SLC24A2: variants seen among roughly 807,000 people sequenced by gnomAD.
SLC24A2 encodes the protein sodium/potassium/calcium exchanger 2.
Under a neutral mutation model 62.0 loss-of-function variants are expected in SLC24A2, and 36 were observed. The observed-to-expected ratio is 0.58, with a 90% CI of 0.44 to 0.77. The LOEUF is 0.77. Ranked by LOEUF, SLC24A2 falls within the 30% of genes least tolerant of loss-of-function variation. The pLI is 0.00. For synonymous variants in SLC24A2, 358 were observed against 294.0 expected (o/e 1.22, Z -2.23); for missense variants, 846 against 817.9 (o/e 1.03, Z -0.42).
At chr9:19,811,348 A>G in the SLC24A2 span, among the ~76,000 whole-genome samples, 1 of 152,234 alleles carries the variant, frequency 6.6e-6, no homozygotes, top group Non-Finnish European at 1.5e-5. Context: ...GTTATAGCAC[A>G]CCAAACTAAA....
the SLC24A2 span, among the ~76,000 whole-genome samples, chr9:19,855,727 C>T: frequency 1.3e-5 from 2 of 152,116 alleles, no homozygotes; most frequent in Non-Finnish European, 2.9e-5. Flanking sequence ...AACACTTTTT[C>T]CTTCATTTCA....
At chr9:19,712,887 AC>A (rs1820754502) in intron 2 of SLC24A2, among the ~76,000 whole-genome samples, 1 of 152,032 alleles carries the variant, frequency 6.6e-6, no homozygotes, top group African/African-American at 2.4e-5. Context: ...TACCATACTT[AC>A]CCCAGTTGTG....
chr9:19,658,859 G>T (rs1008356929), intron 2 of SLC24A2, among the ~76,000 whole-genome samples: 3 of 152,152 alleles, frequency 2.0e-5, no homozygotes, highest in Non-Finnish European at 4.4e-5. Context: ...CTGTCCAGCA[G>T]CCCGTTTCTA....
chr9:20,278,444 A>G, the SLC24A2 span, among the ~76,000 whole-genome samples: 2 of 152,128 alleles, frequency 1.3e-5, no homozygotes, highest in Non-Finnish European at 2.9e-5. Context: ...TTCTTCTATC[A>G]GATACCCTAA....
the SLC24A2 span, among the ~76,000 whole-genome samples, chr9:20,185,648 G>C: frequency 3.2e-4 from 46 of 144,248 alleles, 1 homozygote; most frequent in African/African-American, 1.1e-3. Context: ...CTGGGAGACA[G>C]AGCGAGACTC....
At chr9:20,289,064 G>A in the SLC24A2 span, among the ~76,000 whole-genome samples, 19 of 152,240 alleles carry the variant, frequency 1.2e-4, no homozygotes, top group African/African-American at 4.6e-4. Context: ...AGTCACCCCA[G>A]CTGACATTAA....
At position 19,532,433 on chromosome 9, in the gene SLC24A2, C is replaced by G. The variant is rs948026032; in HGVS notation, c.1480-4295G>C. On this transcript the variant is annotated intron_variant, in intron 8 of 10. Coordinates refer to ENST00000341998, the MANE Select transcript of SLC24A2 (RefSeq NM_020344.4). ...AAATCAGCTCTAAATTATTTGAGGCCGAATAGAATGTAAATGCTATGTAAA... is the reference window on the plus strand; with the variant it reads ...AAATCAGCTCTAAATTATTTGAGGCGGAATAGAATGTAAATGCTATGTAAA... Among the ~76,000 whole-genome samples, 3 of 152,030 alleles carry G rather than the reference C, an allele frequency of 2.0e-5. No homozygotes were observed. The East Asian group carries it at 5.8e-4, about 29-fold the overall frequency.
chr9:19,532,086 ATTTATTTG>A (rs1376786086), intron 8 of SLC24A2, among the ~76,000 whole-genome samples: 11 of 151,854 alleles, frequency 7.2e-5, no homozygotes, highest in Admixed American at 5.9e-4. Flanking sequence ...TACTTTATTT[ATTTATTTG>A]TTTGTTTGAC....
chr9:20,281,343 A>G, the SLC24A2 span, among the ~76,000 whole-genome samples: 2 of 152,204 alleles, frequency 1.3e-5, no homozygotes, highest in African/African-American at 4.8e-5. Flanking sequence ...TACTTTTCAC[A>G]TATATTCAAA....
At chr9:19,720,939 A>G (rs1385364116) in intron 2 of SLC24A2, among the ~76,000 whole-genome samples, 1 of 151,456 alleles carries the variant, frequency 6.6e-6, no homozygotes, top group Non-Finnish European at 1.5e-5. Context: ...AATATTTTCA[A>G]GATTTGATTG....
At chr9:19,826,816 C>G in the SLC24A2 span, among the ~76,000 whole-genome samples, 1 of 152,112 alleles carries the variant, frequency 6.6e-6, no homozygotes, top group Non-Finnish European at 1.5e-5. Context: ...TGCAAACACT[C>G]AAACCATAGC....
chr9:19,862,759 G>C, the SLC24A2 span, among the ~76,000 whole-genome samples: 1 of 152,016 alleles, frequency 6.6e-6, no homozygotes, highest in South Asian at 2.1e-4. Flanking sequence ...GTGTTAAGTT[G>C]TTATCAGCTT....
the SLC24A2 span, among the ~76,000 whole-genome samples, chr9:20,113,984 C>A: frequency 6.6e-6 from 1 of 152,146 alleles, no homozygotes; most frequent in East Asian, 1.9e-4. Context: ...TGATTGCCCC[C>A]ACTTTTTGCC....
chr9:19,962,007 T>A, the SLC24A2 span, among the ~76,000 whole-genome samples: 1 of 152,242 alleles, frequency 6.6e-6, no homozygotes, highest in South Asian at 2.1e-4. Context: ...TAAGCTGCTA[T>A]GTTTGGGGAT....
At chr9:19,695,202 A>T (rs888069464) in intron 2 of SLC24A2, among the ~76,000 whole-genome samples, 1 of 152,082 alleles carries the variant, frequency 6.6e-6, no homozygotes, top group Non-Finnish European at 1.5e-5. Flanking sequence ...TGCAAAGAAC[A>T]ACAAAACAGC....
At chr9:19,543,718 A>G (rs199514675) in intron 8 of SLC24A2, among the ~76,000 whole-genome samples, 3 of 152,122 alleles carry the variant, frequency 2.0e-5, no homozygotes, top group Admixed American at 6.6e-5. Flanking sequence ...ATGTTGTTCA[A>G]TTTCCATGTA....
intron 8 of SLC24A2, among the ~76,000 whole-genome samples, chr9:19,531,049 A>C (rs1833683990): frequency 6.6e-6 from 1 of 152,144 alleles, no homozygotes; most frequent in Admixed American, 6.5e-5. Context: ...AATGTCAGAA[A>C]ATTAAAAAAA....
At chr9:19,961,580 C>T in the SLC24A2 span, among the ~76,000 whole-genome samples, 1 of 152,200 alleles carries the variant, frequency 6.6e-6, no homozygotes, top group African/African-American at 2.4e-5. Context: ...CCACCTGTGC[C>T]AGGTAACCTC....
At chr9:20,206,882 G>GGT in the SLC24A2 span, among the ~76,000 whole-genome samples, 5 of 3,550 alleles carry the variant, frequency 1.4e-3, no homozygotes, top group Admixed American at 0.01. Flanking sequence ...AAACTAAGTT[G>GGT]GGGGGGGCGG....
Sources: gnomAD v4.1 joint callset for allele counts (sites outside exome capture counted in the v4.1 genomes callset) on GRCh38, gnomAD v4.1.1 for gene constraint, MANE v1.5 for transcripts, NCBI Gene and HGNC (gene_info 2026-07-23, HGNC 2026-07-21) for gene names.